The following SDK1 variants were observed in gnomAD, a reference collection of about 807,000 sequenced individuals.
SDK1 encodes the protein sidekick cell adhesion molecule 1.
SDK1 carries 157 observed loss-of-function variants against 245.5 expected under a neutral mutation model. The observed-to-expected ratio is 0.64, with a 90% CI of 0.56 to 0.73. The LOEUF (loss-of-function observed/expected upper bound fraction) is 0.73. Ranked by LOEUF, SDK1 falls within the 30% of genes least tolerant of loss-of-function variation. The pLI is 0.00. For synonymous variants in SDK1, 1,647 were observed against 1,278.5 expected (o/e 1.29, Z -6.15); for missense variants, 3,583 against 3,002.3 (o/e 1.19, Z -4.52).
chr7:3,797,291 C>G (rs1778983857), intron 4 of SDK1, among the ~76,000 whole-genome samples: 2 of 152,062 alleles, frequency 1.3e-5, no homozygotes, highest in African/African-American at 4.8e-5. Flanking sequence ...CCCATATATA[C>G]CTTTTAAAAA....
chr7:3,353,445 A>T (rs1780712682), intron 1 of SDK1, among the ~76,000 whole-genome samples: 1 of 152,218 alleles, frequency 6.6e-6, no homozygotes, highest in African/African-American at 2.4e-5. Context: ...TCTAAAAAAA[A>T]TTCAAATGAG....
chr7:3,835,190 A>C (rs1780002972), intron 5 of SDK1, among the ~76,000 whole-genome samples: 1 of 152,208 alleles, frequency 6.6e-6, no homozygotes. Context: ...CTCTGACTCT[A>C]AAATTCTGAT....
intron 1 of SDK1, among the ~76,000 whole-genome samples, chr7:3,429,578 C>G (rs1378013623): frequency 1.3e-5 from 2 of 151,412 alleles, no homozygotes; most frequent in South Asian, 4.2e-4. Context: ...TAATTTGATA[C>G]CCAGTCCACA....
intron 22 of SDK1, among the ~76,000 whole-genome samples, chr7:4,107,921 T>C (rs1292750652): frequency 6.6e-6 from 1 of 152,186 alleles, no homozygotes; most frequent in Non-Finnish European, 1.5e-5. Flanking sequence ...GAATCACTCT[T>C]TTTCTGGGCC....
At chr7:3,615,794 G>A (rs1487234747) in intron 1 of SDK1, among the ~76,000 whole-genome samples, 3 of 151,342 alleles carry the variant, frequency 2.0e-5, no homozygotes, top group Non-Finnish European at 1.5e-5. Flanking sequence ...ACTATTCCAC[G>A]CCCTCTTTTT....
At position 3,793,203 on chromosome 7, in the gene SDK1, G is replaced by A. The variant is rs536332205; in HGVS notation, c.714-28247G>A. 1.8e-4 allele frequency among the ~76,000 whole-genome samples: 28 copies of A among 152,042 alleles called. No individual in the cohort carries two copies. In the South Asian group the frequency reaches 4.2e-3, roughly 23 times the overall value. On this transcript the variant is annotated intron_variant, in intron 4 of 44. Coordinates refer to ENST00000404826, the MANE Select transcript of SDK1 (RefSeq NM_152744.4). ...AATTTTAATATTTTGGTCTGTTTCC[G>A]TAAAAGACATTACATTTCTAAATTT...
intron 44 of SDK1, among the ~76,000 whole-genome samples, chr7:4,253,394 G>A (rs141916091): frequency 1.1e-3 from 160 of 152,034 alleles, no homozygotes; most frequent in African/African-American, 3.6e-3. Flanking sequence ...TGACACATTC[G>A]TTATTTAGGA....
At chr7:3,465,619 A>T (rs1397528679) in intron 1 of SDK1, among the ~76,000 whole-genome samples, 1 of 152,140 alleles carries the variant, frequency 6.6e-6, no homozygotes, top group Non-Finnish European at 1.5e-5. Flanking sequence ...CTGTGAACAC[A>T]CGCATCCTGA....
At chr7:3,992,182 C>T (rs1260324643) in intron 14 of SDK1, among the ~76,000 whole-genome samples, 1 of 152,234 alleles carries the variant, frequency 6.6e-6, no homozygotes, top group Non-Finnish European at 1.5e-5. Flanking sequence ...ACTTGATAGC[C>T]TCTGCCCTGA....
At chr7:3,841,213 C>T (rs1214236000) in intron 5 of SDK1, among the ~76,000 whole-genome samples, 1 of 152,174 alleles carries the variant, frequency 6.6e-6, no homozygotes, top group African/African-American at 2.4e-5. Flanking sequence ...TCAGGTGATC[C>T]AGAAGGCTGT....
chr7:4,226,861 A>C (rs1217305480), intron 40 of SDK1, among the ~76,000 whole-genome samples: 2 of 152,242 alleles, frequency 1.3e-5, no homozygotes, highest in East Asian at 3.8e-4. Flanking sequence ...AGGAACTATA[A>C]ATATATTTTC....
chr7:3,734,057 C>G (rs1779254161), intron 4 of SDK1, among the ~76,000 whole-genome samples: 1 of 152,204 alleles, frequency 6.6e-6, no homozygotes, highest in African/African-American at 2.4e-5. Context: ...GCCCTGGACC[C>G]ACAGCTCCTT....
intron 1 of SDK1, among the ~76,000 whole-genome samples, chr7:3,325,422 A>G (rs1016157287): frequency 7.9e-5 from 12 of 152,176 alleles, no homozygotes; most frequent in Non-Finnish European, 1.6e-4. Context: ...TTTCATTGAT[A>G]TTCAACGAAT....
intron 4 of SDK1, among the ~76,000 whole-genome samples, chr7:3,682,859 C>G (rs1446452838): frequency 1.3e-5 from 2 of 152,058 alleles, no homozygotes; most frequent in Non-Finnish European, 2.9e-5. Flanking sequence ...CTGCCTCAGC[C>G]TCCTGAGTAG....
At chr7:3,396,936 T>C (rs1778726241) in intron 1 of SDK1, among the ~76,000 whole-genome samples, 1 of 151,774 alleles carries the variant, frequency 6.6e-6, no homozygotes, top group Non-Finnish European at 1.5e-5. Context: ...GTTCCTTCAT[T>C]CCTCCATGAC....
intron 4 of SDK1, among the ~76,000 whole-genome samples, chr7:3,698,914 G>A (rs1189926918): frequency 6.6e-6 from 1 of 152,162 alleles, no homozygotes; most frequent in Non-Finnish European, 1.5e-5. Context: ...ATCAGTTGGG[G>A]AGGACACAAA....
chr7:3,838,865 A>C (rs1463510015), intron 5 of SDK1, among the ~76,000 whole-genome samples: 2 of 152,200 alleles, frequency 1.3e-5, no homozygotes, highest in Admixed American at 1.3e-4. Context: ...AAAACAGGGA[A>C]ATATAAGTTA....
At chr7:3,695,298 A>G (rs1356640847) in intron 4 of SDK1, among the ~76,000 whole-genome samples, 1 of 152,186 alleles carries the variant, frequency 6.6e-6, no homozygotes, top group Non-Finnish European at 1.5e-5. Context: ...AATAGGATTT[A>G]ATTATTCCTT....
intron 4 of SDK1, among the ~76,000 whole-genome samples, chr7:3,751,112 C>G (rs1265557928): frequency 1.3e-5 from 2 of 152,162 alleles, no homozygotes; most frequent in Non-Finnish European, 2.9e-5. Flanking sequence ...GTTGTTGGTC[C>G]CACTCTTCCT....
Sources: allele counts gnomAD v4.1 joint callset (sites outside exome capture counted in the v4.1 genomes callset), GRCh38; gene constraint gnomAD v4.1.1; transcripts MANE v1.5; gene names NCBI Gene and HGNC (gene_info 2026-07-23, HGNC 2026-07-21).